The following GNAQ variants were observed in gnomAD, a reference collection of about 807,000 sequenced individuals.
GNAQ encodes the protein G protein subunit alpha q, also known as guanine nucleotide-binding protein G(q) subunit alpha.
A neutral mutation model predicts 43.9 loss-of-function variants in GNAQ; 8 were observed. The observed-to-expected ratio is 0.18, with a 90% CI of 0.11 to 0.33. GNAQ has a LOEUF of 0.33. Among genes scored for constraint, GNAQ ranks in the 10% least tolerant of loss-of-function variants. The pLI, the probability that GNAQ is intolerant of heterozygous loss-of-function variation, is 1.00. For missense variants in GNAQ, 158 were observed against 450.8 expected, an observed-to-expected ratio of 0.35 and a Z score of 5.88; for synonymous variants, 155 against 170.7, an observed-to-expected ratio of 0.91 and a Z score of 0.71.
At chr9:78,017,528 A>G (rs1234670563) in intron 1 of GNAQ, among the ~76,000 whole-genome samples, 1 of 152,244 alleles carries the variant, frequency 6.6e-6, no homozygotes, top group Non-Finnish European at 1.5e-5. Context: ...ATTTTGAAAG[A>G]AAAAGAACCA....
chr9:77,984,049 CAAAAAAAAAAAA>C (rs72279886), intron 1 of GNAQ, among the ~76,000 whole-genome samples: 18 of 67,960 alleles, frequency 2.6e-4, no homozygotes, highest in Non-Finnish European at 2.7e-4. Flanking sequence ...TTTTGGAGAG[CAAAAAAAAAAAA>C]AAAAAAAAAA....
intron 2 of GNAQ, among the ~76,000 whole-genome samples, chr9:77,873,583 G>A (rs1480105138): frequency 1.3e-5 from 2 of 152,170 alleles, no homozygotes; most frequent in Non-Finnish European, 2.9e-5. Flanking sequence ...GAAGTAAAAA[G>A]GGGGAGGAAG....
At chr9:77,946,010 CTT>C (rs1340712123) in intron 1 of GNAQ, among the ~76,000 whole-genome samples, 1 of 152,182 alleles carries the variant, frequency 6.6e-6, no homozygotes, top group Admixed American at 6.5e-5. Flanking sequence ...TGCCTTGCTA[CTT>C]TAAGTGGAGG....
chr9:78,026,151 T>G (rs1191967402), intron 1 of GNAQ, among the ~76,000 whole-genome samples: 1 of 152,194 alleles, frequency 6.6e-6, no homozygotes, highest in African/African-American at 2.4e-5. Context: ...TTTCTAAACT[T>G]ACTTTAGAAT....
intron 3 of GNAQ, among the ~76,000 whole-genome samples, chr9:77,807,833 ATTTTAGGACT>A (rs1254566388): frequency 6.6e-6 from 1 of 152,186 alleles, no homozygotes; most frequent in Non-Finnish European, 1.5e-5. Context: ...AAATATAAAT[ATTTTAGGACT>A]TTTGGACCAT....
chr9:77,910,592 G>A (rs142691573), intron 2 of GNAQ, among the ~76,000 whole-genome samples: 113 of 152,052 alleles, frequency 7.4e-4, no homozygotes, highest in African/African-American at 2.5e-3. Flanking sequence ...AGCAGAGTTC[G>A]CTCATGTGTT....
intron 2 of GNAQ, among the ~76,000 whole-genome samples, chr9:77,821,724 G>GGGGTGTGTGTGTGT (rs201504418): frequency 9.6e-4 from 136 of 142,398 alleles, no homozygotes; most frequent in African/African-American, 3.5e-3. Flanking sequence ...TCCTAGTATG[G>GGGGTGTGTGTGTGT]GTGTGTGTGT....
intron 1 of GNAQ, among the ~76,000 whole-genome samples, chr9:77,987,311 G>A (rs1564171420): frequency 6.6e-6 from 1 of 151,998 alleles, no homozygotes; most frequent in Non-Finnish European, 1.5e-5. Context: ...TTGCTTTCAA[G>A]GACTTCTGAA....
rs1214794662 is a variant in GNAQ at position 77,852,626 on chromosome 9, T to A, written c.322-36856A>T. ...TTTACATCCTCTTTCCAGGTATGCC[T>A]CCCCGAAAGCATCCCTGCTAACTTT... On this transcript the variant is annotated intron_variant, in intron 2 of 6. Transcript: ENST00000286548. Among the ~76,000 whole-genome samples the A allele has an allele frequency of 2.6e-5, 4 of 152,166 alleles. No individual in the cohort carries two copies. The East Asian group carries it at 7.7e-4, about 29-fold the overall frequency.
intron 5 of GNAQ, among the ~76,000 whole-genome samples, chr9:77,738,661 G>C (rs1449147945): frequency 6.6e-6 from 1 of 152,094 alleles, no homozygotes; most frequent in Non-Finnish European, 1.5e-5. Context: ...GTCTCACTCA[G>C]AAGCCACTAG....
intron 2 of GNAQ, among the ~76,000 whole-genome samples, chr9:77,848,648 T>A (rs1827623452): frequency 6.6e-6 from 1 of 152,156 alleles, no homozygotes; most frequent in Non-Finnish European, 1.5e-5. Context: ...ATTAGTGTGG[T>A]GGGAATAAGG....
chr9:77,891,209 A>G (rs879845766), intron 2 of GNAQ, among the ~76,000 whole-genome samples: 14 of 152,046 alleles, frequency 9.2e-5, no homozygotes, highest in Admixed American at 9.2e-4. Context: ...CCTCATACAT[A>G]TTCTCATCTA....
chr9:77,843,259 G>A (rs1001392880), intron 2 of GNAQ, among the ~76,000 whole-genome samples: 2 of 152,152 alleles, frequency 1.3e-5, no homozygotes, highest in Non-Finnish European at 2.9e-5. Context: ...ATATCTGGGG[G>A]AAGACAGGCA....
At chr9:77,787,658 G>T (rs1271032825) in intron 5 of GNAQ, among the ~76,000 whole-genome samples, 1 of 152,036 alleles carries the variant, frequency 6.6e-6, no homozygotes, top group Non-Finnish European at 1.5e-5. Flanking sequence ...ATATTCTTAG[G>T]GAAGAAAAAG....
In GNAQ at chr9:77,863,684, A is replaced by G. The variant is rs796600936; in HGVS notation, c.322-47914T>C. ...ACATATTTGAGACTTGGCCATTTAT[A>G]AAAAAAAAGAGGTTTAATGGACTTA... On this transcript the variant is annotated intron_variant, in intron 2 of 6. Transcript: ENST00000286548. 3.7e-4 allele frequency among the ~76,000 whole-genome samples: 7 copies of G among 18,744 alleles called. No homozygotes were observed. In the East Asian group the frequency reaches 6.1e-3, roughly 16 times the overall value. 12.3% of individuals were successfully genotyped at this position (18,744 alleles called of 152,430 possible).
chr9:77,729,448 G>GCTA (rs1825451253), intron 5 of GNAQ, among the ~76,000 whole-genome samples: 1 of 152,038 alleles, frequency 6.6e-6, no homozygotes, highest in Admixed American at 6.5e-5. Flanking sequence ...TAGTCAGCTT[G>GCTA]CTACTATAAA....
chr9:77,908,513 A>C (rs543044162), intron 2 of GNAQ, among the ~76,000 whole-genome samples: 81 of 152,326 alleles, frequency 5.3e-4, no homozygotes, highest in Non-Finnish European at 8.8e-4. Context: ...AGAATTCAAC[A>C]ACCATTTAGT....
intron 5 of GNAQ, among the ~76,000 whole-genome samples, chr9:77,754,828 T>C (rs1825872880): frequency 6.6e-6 from 1 of 152,082 alleles, no homozygotes; most frequent in Non-Finnish European, 1.5e-5. Context: ...TGGAGGTTCC[T>C]CAAAAAACTA....
chr9:77,843,634 T>C (rs1316553200), intron 2 of GNAQ, among the ~76,000 whole-genome samples: 5 of 152,346 alleles, frequency 3.3e-5, no homozygotes, highest in African/African-American at 9.6e-5. Context: ...CAGAGGAAAC[T>C]GGTGTCAGGT....
Sources: gnomAD v4.1 joint callset for allele counts (sites outside exome capture counted in the v4.1 genomes callset) on GRCh38, gnomAD v4.1.1 for gene constraint, MANE v1.5 for transcripts, NCBI Gene and HGNC (gene_info 2026-07-23, HGNC 2026-07-21) for gene names.